The following CBL variants were observed in gnomAD, a reference collection of about 807,000 sequenced individuals.
CBL encodes E3 ubiquitin-protein ligase CBL.
In CBL, 45 loss-of-function variants were observed where a neutral mutation model predicts 96.9. The ratio of observed to expected loss-of-function variants is 0.46; its 90% CI spans 0.37 to 0.60. The LOEUF (loss-of-function observed/expected upper bound fraction) is 0.60, where lower values mean the gene tolerates loss of function less well. Among genes scored for constraint, CBL ranks in the 20% least tolerant of loss-of-function variants. The pLI, the probability that CBL is intolerant of heterozygous loss-of-function variation, is 0.00. For synonymous variants in CBL, 420 were observed against 426.8 expected, an observed-to-expected ratio of 0.98 and a Z score of 0.20; for missense variants, 1,024 against 1,143.5, an observed-to-expected ratio of 0.90 and a Z score of 1.51.
rs769536466 is a variant in CBL, at chr11:119,296,876, G to A, written c.2037-42G>A. ...TTATTTTATACTTCAAAGTTTACTG[G>A]TTTGTTACTTCTTTTTCTATTTTTT... On this transcript the variant is annotated intron_variant, in intron 12 of 15. Coordinates refer to ENST00000264033, the MANE Select transcript of CBL (RefSeq NM_005188.4). 3.0e-6 allele frequency: 3 copies of A among 1,000,860 alleles called. 1 individual carries two copies. The South Asian group carries it at 3.8e-5, about 13-fold the overall frequency. 62.0% of individuals were successfully genotyped at this position (1,000,860 alleles called of 1,614,324 possible). A position where few individuals can be genotyped will look rare whatever the true frequency, so the allele number is the denominator to read the frequency against.
At chr11:119,227,631 A>G (rs1592375221) in intron 1 of CBL, among the ~76,000 whole-genome samples, 2 of 151,194 alleles carry the variant, frequency 1.3e-5, no homozygotes, top group Non-Finnish European at 2.9e-5. Context: ...GCTCAACGCA[A>G]CCTCTGCCTC....
At chr11:119,270,279 C>A in intron 2 of CBL, among the ~76,000 whole-genome samples, 1 of 131,940 alleles carries the variant, frequency 7.6e-6, no homozygotes. Flanking sequence ...GAGTTTCGCT[C>A]TGTTGCCCAG....
chr11:119,225,056 G>T (rs904628530), intron 1 of CBL, among the ~76,000 whole-genome samples: 9 of 151,746 alleles, frequency 5.9e-5, no homozygotes, highest in Non-Finnish European at 8.8e-5. Context: ...TGGGGTGTGT[G>T]TGTGTGTGTG....
chr11:119,270,689 G>A (rs1949840397), intron 2 of CBL, among the ~76,000 whole-genome samples: 1 of 150,946 alleles, frequency 6.6e-6, no homozygotes, highest in Non-Finnish European at 1.5e-5. Flanking sequence ...CTCGTGATCC[G>A]CCCGCCTCGG....
chr11:119,243,107 G>A (rs368966199), intron 2 of CBL, among the ~76,000 whole-genome samples: 2 of 151,854 alleles, frequency 1.3e-5, no homozygotes, highest in African/African-American at 2.4e-5. Flanking sequence ...GTGAAACCTC[G>A]TCTCTACTAA....
intron 2 of CBL, among the ~76,000 whole-genome samples, chr11:119,262,594 A>T (rs1440224561): frequency 6.6e-6 from 1 of 152,224 alleles, no homozygotes; most frequent in African/African-American, 2.4e-5. Context: ...TTTCCAGTTC[A>T]GTTCTACAAA....
Position 119,276,060 on chromosome 11 carries a change from T to C in CBL, c.933T>C (p.Asp311=). The change falls in exon 6 of 16, where the codon GAT becomes GAC. Residue 311 remains aspartate, a synonymous_variant. Coordinates refer to ENST00000264033, the MANE Select transcript of CBL (RefSeq NM_005188.4). ...GQWAIGYVTA[D]GNILQTIPHN... Reference sequence around the variant, plus strand: ...GGGCTATTGGGTATGTTACTGCTGATGGGAACATTCTCCAGACAATCCCTC... The same window carrying C: ...GGGCTATTGGGTATGTTACTGCTGACGGGAACATTCTCCAGACAATCCCTC... 6.2e-7 allele frequency: 1 copy of C among 1,613,848 alleles called. No individual in the cohort carries two copies.
rs1304044200 is a variant in CBL at position 119,305,465 on chromosome 11, T to A, written c.*5684T>A. The stretch of plus-strand genomic sequence containing the variant: ...TTCAGGTTTGAGTGCTTGAAAATGT[T>A]CATTCTCTGGGCTTGTGGCCTGTCT... On this transcript the variant is annotated 3_prime_UTR_variant, in exon 16 of 16. Transcript: ENST00000264033. 2 of 231,066 alleles carry A rather than the reference T, an allele frequency of 8.7e-6. No homozygotes were observed. The highest frequency in any genetic ancestry group is 1.7e-5 in the Non-Finnish European group (2 of 116,740). The allele number at this position is 231,066 out of a possible 1,614,324, so 14.3% of individuals were successfully genotyped here.
intron 2 of CBL, among the ~76,000 whole-genome samples, chr11:119,250,716 G>A (rs1225113070): frequency 2.0e-5 from 3 of 152,166 alleles, no homozygotes; most frequent in Admixed American, 1.3e-4. Context: ...TTCAGAGGCT[G>A]GAGGTGGGTG....
chr11:119,270,001 TA>T (rs1949831244), intron 2 of CBL, among the ~76,000 whole-genome samples: 1 of 80,174 alleles, frequency 1.2e-5, no homozygotes, highest in Non-Finnish European at 2.8e-5. Context: ...CGTCTCAAAA[TA>T]AATAAATAAA....
intron 2 of CBL, among the ~76,000 whole-genome samples, chr11:119,248,267 G>A (rs1450190548): frequency 1.3e-5 from 2 of 152,178 alleles, no homozygotes; most frequent in African/African-American, 4.8e-5. Flanking sequence ...ACTGGTATAA[G>A]GATAGACATA....
Position 119,282,700 on chromosome 11 carries a change from G to A in CBL, c.1432-2269G>A, listed in dbSNP as rs184973565. ...GGGAGTTACTGGTGGTTTTTGAGTT[G>A]GTGAGTGTTTAAGAATGGCTAAGCT... On this transcript the variant is annotated intron_variant, in intron 9 of 15. Transcript: ENST00000264033. Among the ~76,000 whole-genome samples the A allele has an allele frequency of 6.5e-3, 993 of 152,274 alleles. 22 individuals are homozygous for A. Among genetic ancestry groups the A allele is most frequent in the Admixed American group, 0.019 (295 of 15,294 alleles).
At chr11:119,279,314 A>G (rs1233018357) in intron 9 of CBL, among the ~76,000 whole-genome samples, 1 of 151,942 alleles carries the variant, frequency 6.6e-6, no homozygotes, top group Non-Finnish European at 1.5e-5. Flanking sequence ...AGCCTTGGCA[A>G]TATAGTGAGA....
At position 119,285,258 on chromosome 11, in the gene CBL, C is replaced by T. The variant is rs766442277; in HGVS notation, c.1633C>T (p.Pro545Ser). 1 of 1,614,176 alleles carries T rather than the reference C, an allele frequency of 6.2e-7. No homozygotes were observed. The highest frequency in any genetic ancestry group is 2.2e-5 in the East Asian group (1 of 44,882). ...VPPTLRDLPPPPPPDRPYSVG... is the reference protein window; with the variant it reads ...VPPTLRDLPPSPPPDRPYSVG... ...TCCCACACTTCGAGATCTTCCACCA[C>T]CACCGCCTCCAGACCGGCCATATTC... Residue 545 changes from proline to serine, a missense_variant, in exon 11 of 16, where the codon CCA (proline) becomes TCA (serine). Pro to Ser is a moderately conservative substitution (Grantham distance 74). This residue lies in a region of CBL where 695 missense variants were observed against 661.6 expected (regional missense o/e 1.05). Coordinates refer to ENST00000264033, the MANE Select transcript of CBL (RefSeq NM_005188.4).
At chr11:119,211,296 C>T (rs1004132182) in intron 1 of CBL, among the ~76,000 whole-genome samples, 46 of 151,788 alleles carry the variant, frequency 3.0e-4, no homozygotes, top group African/African-American at 9.7e-4. Flanking sequence ...TGCTTGAACC[C>T]GGGAGGCGGA....
At position 119,224,483 on chromosome 11, in the gene CBL, C is replaced by T. The variant is rs539040993; in HGVS notation, c.196-7965C>T. Among the ~76,000 whole-genome samples the T allele has an allele frequency of 3.9e-5, 6 of 152,216 alleles. No individual in the cohort carries two copies. The South Asian group carries it at 1.0e-3, about 26-fold the overall frequency. On this transcript the variant is annotated intron_variant, in intron 1 of 15. Coordinates refer to ENST00000264033, the MANE Select transcript of CBL (RefSeq NM_005188.4). ...GTAATAGCCTACTGTTGACCAGAAG[C>T]CTTACTGATAACATAAAACAGCTTA...
At chr11:119,290,076 CTG>C (rs1217825704) in intron 12 of CBL, among the ~76,000 whole-genome samples, 1 of 151,426 alleles carries the variant, frequency 6.6e-6, no homozygotes, top group Admixed American at 6.6e-5. Flanking sequence ...ATCAGCATCT[CTG>C]TTTGTTGCCC....
At chr11:119,209,126 C>T (rs1352927348) in intron 1 of CBL, among the ~76,000 whole-genome samples, 1 of 152,180 alleles carries the variant, frequency 6.6e-6, no homozygotes, top group East Asian at 1.9e-4. Flanking sequence ...TCCAGATTTT[C>T]TGAATACCTC....
Position 119,298,441 on chromosome 11 carries a change from C to T in CBL, c.2335C>T (p.Pro779Ser). Residue 779 changes from proline to serine, a missense_variant, in exon 15 of 16, where the codon CCA becomes TCA. By Grantham distance (74) the Pro-to-Ser change is moderately conservative. Around this residue, in one of 4 missense-constraint regions of CBL, gnomAD observed 695 missense variants for 661.6 expected, o/e 1.05. Coordinates refer to ENST00000264033, the MANE Select transcript of CBL (RefSeq NM_005188.4). The stretch of plus-strand genomic sequence containing the variant: ...GGATGATGGGTATGATGTCCCAAAG[C>T]CACCTGTGCCGGCCGTGCTGGCCCG... ...NEDDGYDVPK[P>S]PVPAVLARRT... 6.2e-7 allele frequency: 1 copy of T among 1,614,150 alleles called. No homozygotes were observed. Among genetic ancestry groups the T allele is most frequent in the Non-Finnish European group, 8.5e-7 (1 of 1,179,996 alleles).
Sources: allele counts gnomAD v4.1 joint callset (sites outside exome capture counted in the v4.1 genomes callset), GRCh38; gene constraint gnomAD v4.1.1; regional missense constraint gnomAD v4.1.1; transcripts MANE v1.5; gene names NCBI Gene and HGNC (gene_info 2026-07-23, HGNC 2026-07-21).